ACTR3C: variants seen among roughly 807,000 people sequenced by gnomAD.
ACTR3C encodes actin-related protein 3C.
Under a neutral mutation model 26.3 loss-of-function variants are expected in ACTR3C, and 18 were observed. The observed-to-expected ratio is 0.68, with a 90% CI of 0.47 to 1.01. The LOEUF (loss-of-function observed/expected upper bound fraction) is 1.01. ACTR3C is among the 50% of genes least tolerant of loss of function. The probability of loss-of-function intolerance (pLI) is 0.00; values close to 1 mark genes in which losing one functional copy is unlikely to be tolerated. For synonymous variants in ACTR3C, 55 were observed against 94.5 expected (o/e 0.58, Z 2.42); for missense variants, 184 against 250.7 (o/e 0.73, Z 1.80).
chr7:150,003,882 T>C, the ACTR3C span, among the ~76,000 whole-genome samples: 2,415 of 148,840 alleles, frequency 0.016, no homozygotes, highest in Middle Eastern at 0.063. Flanking sequence ...TGGTATGTTA[T>C]GGGGTGTGTG....
chr7:149,896,441 T>C, the ACTR3C span, among the ~76,000 whole-genome samples: 3 of 152,200 alleles, frequency 2.0e-5, no homozygotes, highest in African/African-American at 4.8e-5. Context: ...GTTTACAAAG[T>C]GTTTAGCAGA....
At chr7:150,167,016 G>GTATATA in the ACTR3C span, among the ~76,000 whole-genome samples, 1 of 62,732 alleles carries the variant, frequency 1.6e-5, no homozygotes, top group South Asian at 8.1e-4. Context: ...GTATTCCACT[G>GTATATA]TGTATATATA....
the ACTR3C span, among the ~76,000 whole-genome samples, chr7:150,022,045 C>G: frequency 6.6e-6 from 1 of 151,798 alleles, no homozygotes; most frequent in African/African-American, 2.4e-5. Context: ...AATCTCCACA[C>G]TGTTTTCCAT....
the ACTR3C span, among the ~76,000 whole-genome samples, chr7:150,068,899 C>T: frequency 1.3e-5 from 2 of 152,016 alleles, no homozygotes; most frequent in East Asian, 1.9e-4. Flanking sequence ...GAAAAGACAG[C>T]CTGGACTCCA....
chr7:150,212,245 T>C, the ACTR3C span, among the ~76,000 whole-genome samples: 1 of 147,162 alleles, frequency 6.8e-6, no homozygotes, highest in Non-Finnish European at 1.5e-5. Context: ...TGTAAGATAA[T>C]TGAAGTACTG....
chr7:150,310,142 C>A (rs1409692304), intron 1 of ACTR3C, among the ~76,000 whole-genome samples: 1 of 152,104 alleles, frequency 6.6e-6, no homozygotes, highest in Non-Finnish European at 1.5e-5. Flanking sequence ...TATCTGCTTC[C>A]CTGGTTATTC....
At chr7:149,933,897 A>AACGCATAAATTCTGG in the ACTR3C span, among the ~76,000 whole-genome samples, 1 of 152,168 alleles carries the variant, frequency 6.6e-6, no homozygotes, top group African/African-American at 2.4e-5. Context: ...CAACACTAGC[A>AACGCATAAATTCTGG]ATGATCAGAT....
chr7:150,130,506 C>T, the ACTR3C span, among the ~76,000 whole-genome samples: 3 of 152,098 alleles, frequency 2.0e-5, no homozygotes. Flanking sequence ...CAAGGAGCTG[C>T]GTGATCCTTT....
At chr7:150,245,649 C>T (rs1011536734), downstream of ACTR3C, 13 of 152,032 alleles carry the variant, frequency 8.6e-5, no homozygotes, top group African/African-American at 3.1e-4. Context: ...TGAGTGTGAG[C>T]AATTGCTCCC....
the ACTR3C span, among the ~76,000 whole-genome samples, chr7:150,031,615 A>G: frequency 1.1e-4 from 17 of 152,108 alleles, no homozygotes; most frequent in Non-Finnish European, 2.5e-4. Context: ...TTCTCCAAGG[A>G]GCTCTAGGGG....
the ACTR3C span, among the ~76,000 whole-genome samples, chr7:149,886,073 A>G: frequency 3.9e-5 from 6 of 152,254 alleles, no homozygotes; most frequent in African/African-American, 1.2e-4. Flanking sequence ...ATAATGGACT[A>G]AAGTGCTCAA....
At chr7:150,183,572 T>C in the ACTR3C span, among the ~76,000 whole-genome samples, 9 of 149,756 alleles carry the variant, frequency 6.0e-5, no homozygotes, top group Non-Finnish European at 1.0e-4. Flanking sequence ...CATCAGCACA[T>C]GTAAGTTTTA....
intron 1 of ACTR3C, among the ~76,000 whole-genome samples, chr7:150,317,806 A>G (rs1318201519): frequency 6.6e-6 from 1 of 152,148 alleles, no homozygotes; most frequent in Non-Finnish European, 1.5e-5. Flanking sequence ...TGTTGAATCC[A>G]TTCCAGTAGC....
the ACTR3C span, among the ~76,000 whole-genome samples, chr7:150,209,286 A>C: frequency 7.3e-6 from 1 of 137,104 alleles, no homozygotes; most frequent in Non-Finnish European, 1.5e-5. Flanking sequence ...GAGAGACAGA[A>C]ACAGAGAGAG....
chr7:149,983,156 T>C, the ACTR3C span, among the ~76,000 whole-genome samples: 1 of 151,894 alleles, frequency 6.6e-6, no homozygotes, highest in East Asian at 1.9e-4. Context: ...ACACCTGACA[T>C]TGTAAAACTC....
chr7:150,193,020 C>T, the ACTR3C span, among the ~76,000 whole-genome samples: 5 of 152,174 alleles, frequency 3.3e-5, no homozygotes, highest in African/African-American at 1.2e-4. Context: ...AGTCACCTTT[C>T]CTTCTCCCAA....
the ACTR3C span, among the ~76,000 whole-genome samples, chr7:150,116,214 G>A: frequency 6.6e-6 from 1 of 152,180 alleles, no homozygotes; most frequent in Non-Finnish European, 1.5e-5. Context: ...GCAAAACTCA[G>A]CAGAACAGGA....
chr7:150,098,194 C>T, the ACTR3C span, among the ~76,000 whole-genome samples: 14 of 151,680 alleles, frequency 9.2e-5, 1 homozygote, highest in South Asian at 1.7e-3. Flanking sequence ...TGACCCCGTA[C>T]AATAATGAAT....
the ACTR3C span, among the ~76,000 whole-genome samples, chr7:150,070,739 C>T: frequency 1.3e-5 from 2 of 151,994 alleles, no homozygotes; most frequent in Non-Finnish European, 2.9e-5. Flanking sequence ...GCGTGAGCCA[C>T]GGTGCCTGGC....
Sources: allele counts gnomAD v4.1 joint callset (sites outside exome capture counted in the v4.1 genomes callset), GRCh38; gene constraint gnomAD v4.1.1; transcripts MANE v1.5; gene names NCBI Gene and HGNC (gene_info 2026-07-23, HGNC 2026-07-21).